The following NFKB1 variants were observed in gnomAD, a reference collection of about 807,000 sequenced individuals.
NFKB1 encodes the protein nuclear factor NF-kappa-B p105 subunit.
A neutral mutation model predicts 105.1 loss-of-function variants in NFKB1; 9 were observed. The ratio of observed to expected loss-of-function variants is 0.09; its 90% CI spans 0.05 to 0.15. NFKB1 has a LOEUF of 0.15. Among genes scored for constraint, NFKB1 ranks in the 10% least tolerant of loss-of-function variants. The pLI, the probability that NFKB1 is intolerant of heterozygous loss-of-function variation, is 1.00. For missense variants in NFKB1, 830 were observed against 1,203.7 expected (o/e 0.69, Z 4.59); for synonymous variants, 440 against 442.2 (o/e 1.00, Z 0.06).
intron 1 of NFKB1, among the ~76,000 whole-genome samples, chr4:102,506,917 A>G (rs941795636): frequency 6.0e-5 from 9 of 151,120 alleles, no homozygotes; most frequent in Non-Finnish European, 1.0e-4. Context: ...ACTGATATAT[A>G]TTAGTTACAT....
intron 19 of NFKB1, among the ~76,000 whole-genome samples, chr4:102,608,938 C>T (rs1415206308): frequency 2.6e-5 from 4 of 151,636 alleles, no homozygotes; most frequent in Non-Finnish European, 5.9e-5. Context: ...GGGTCACTTG[C>T]ACTAGGAGTG....
Position 102,507,548 on chromosome 4 carries a change from C to T in NFKB1, c.-8+5760C>T, listed in dbSNP as rs922503464. The stretch of plus-strand genomic sequence containing the variant: ...AACTCCTGACCTCAAGTGATCCACC[C>T]GCCTCAGCCTCCCAAAGTGCCGGGA... On this transcript the variant is annotated intron_variant, in intron 1 of 23. Coordinates refer to ENST00000226574, the MANE Select transcript of NFKB1 (RefSeq NM_003998.4). 4.6e-5 allele frequency among the ~76,000 whole-genome samples: 7 copies of T among 151,982 alleles called. No individual in the cohort carries two copies. The South Asian group carries it at 1.0e-3, about 23-fold the overall frequency.
At chr4:102,595,056 A>G in intron 13 of NFKB1, 75 bp downstream of exon 13, 1 of 888,094 alleles carries the variant, frequency 1.1e-6, no homozygotes, top group Non-Finnish European at 1.8e-6. Context: ...TAAAATCATT[A>G]CTTATCACAA....
At chr4:102,574,986 C>G (rs17032830) in intron 6 of NFKB1, among the ~76,000 whole-genome samples, 5 of 152,132 alleles carry the variant, frequency 3.3e-5, no homozygotes, top group Admixed American at 1.3e-4. Flanking sequence ...GAGATAACCC[C>G]GTTTTCCTGC....
chr4:102,510,899 A>T, intron 1 of NFKB1: 1 of 1,281,286 alleles, frequency 7.8e-7, no homozygotes. Context: ...AACGTCCTAC[A>T]TCAAGAAAAA....
At position 102,501,707 on chromosome 4, in the gene NFKB1, C is replaced by T. The variant is rs1001557792; in HGVS notation, c.-89C>T. On this transcript the variant is annotated 5_prime_UTR_variant, in exon 1 of 24. Coordinates refer to ENST00000226574, the MANE Select transcript of NFKB1 (RefSeq NM_003998.4). ...GGGCTCCGGCCTGCCGCCGCCTCTT[C>T]CTTCTCCAGCCGGCAGGCCCGCGCC... 5.9e-5 allele frequency: 9 copies of T among 152,314 alleles called. No individual in the cohort carries two copies. The highest frequency in any genetic ancestry group is 9.7e-5 in the African/African-American group (4 of 41,422). The allele number at this position is 152,314 out of a possible 1,614,324, so 9.4% of individuals were successfully genotyped here. A position where few individuals can be genotyped will look rare whatever the true frequency, so the allele number is the denominator to read the frequency against.
intron 5 of NFKB1, among the ~76,000 whole-genome samples, chr4:102,559,558 T>C (rs922456106): frequency 6.6e-6 from 1 of 152,106 alleles, no homozygotes; most frequent in African/African-American, 2.4e-5. Flanking sequence ...AGATAGAGGA[T>C]ATTTTTTTGA....
In NFKB1 at chr4:102,578,894, G is replaced by A. The variant is rs1725087035; in HGVS notation, c.585G>A (p.Glu195=). The A allele has an allele frequency of 1.2e-6, 2 of 1,613,928 alleles. No individual in the cohort carries two copies. The highest frequency in any genetic ancestry group is 1.7e-6 in the Non-Finnish European group (2 of 1,179,968). Residue 195 remains glutamate, a synonymous_variant, in exon 8 of 24, where the codon GAG becomes GAA. Coordinates refer to ENST00000226574, the MANE Select transcript of NFKB1 (RefSeq NM_003998.4). ...GDRQLGDREK[E]LIRQAALQQT... ...GTATGGCCCTAGATCGGGAAAAAGA[G>A]CTAATCCGCCAAGCAGCTCTGCAGC...
chr4:102,614,045 C>T (rs1050750637), intron 23 of NFKB1, among the ~76,000 whole-genome samples: 3 of 152,140 alleles, frequency 2.0e-5, no homozygotes, highest in Admixed American at 1.3e-4. Flanking sequence ...TCCTATATTT[C>T]CTACAATTTT....
At chr4:102,537,786 T>C in intron 4 of NFKB1, 72 bp from the exon 5 acceptor site, 1 of 847,166 alleles carries the variant, frequency 1.2e-6, no homozygotes, top group Non-Finnish European at 1.9e-6. Context: ...TAAAAATTTG[T>C]ATGTACCTTT....
At chr4:102,576,540 A>G (rs559499467) in intron 6 of NFKB1, among the ~76,000 whole-genome samples, 107 of 152,238 alleles carry the variant, frequency 7.0e-4, no homozygotes, top group African/African-American at 2.6e-3. Flanking sequence ...GGTAGTAAAA[A>G]CCAATCTGAC....
At chr4:102,538,993 C>T (rs927338623) in intron 5 of NFKB1, among the ~76,000 whole-genome samples, 7 of 152,028 alleles carry the variant, frequency 4.6e-5, no homozygotes, top group Non-Finnish European at 7.4e-5. Flanking sequence ...AATCCCAGCA[C>T]TTTGGGAGGC....
rs976366515 is a variant in NFKB1, at chr4:102,538,075, A to G, written c.258+119A>G. 9.6e-5 allele frequency: 48 copies of G among 501,462 alleles called. No individual in the cohort carries two copies. In the South Asian group the frequency reaches 1.6e-3, roughly 17 times the overall value. 31.1% of individuals were successfully genotyped at this position (501,462 alleles called of 1,614,324 possible). A position where few individuals can be genotyped will look rare whatever the true frequency, so the allele number is the denominator to read the frequency against. On this transcript the variant is annotated intron_variant, in intron 5 of 23. Transcript: ENST00000226574. The stretch of plus-strand genomic sequence containing the variant: ...TTCGCTCCTAAGCTGAAGTGTTCAC[A>G]TGATTATTAAAATTTTTAAATAGAA...
At chr4:102,606,434 C>T in intron 16 of NFKB1, 62 bp from the exon 17 acceptor site, 1 of 1,496,022 alleles carries the variant, frequency 6.7e-7, no homozygotes, top group East Asian at 2.3e-5. Context: ...AGCTACCAAG[C>T]TGTGAGTTGT....
At chr4:102,535,301 T>C (rs1025465032) in intron 4 of NFKB1, among the ~76,000 whole-genome samples, 1 of 152,172 alleles carries the variant, frequency 6.6e-6, no homozygotes, top group Non-Finnish European at 1.5e-5. Flanking sequence ...TTCATAAGCA[T>C]AGCACTACAA....
At chr4:102,540,036 C>T (rs756051356) in intron 5 of NFKB1, among the ~76,000 whole-genome samples, 2 of 152,030 alleles carry the variant, frequency 1.3e-5, no homozygotes, top group Non-Finnish European at 2.9e-5. Flanking sequence ...AATATTGTGC[C>T]TTTATGTATG....
chr4:102,565,032 C>T (rs1174220579), intron 5 of NFKB1, among the ~76,000 whole-genome samples: 2 of 152,162 alleles, frequency 1.3e-5, no homozygotes, highest in Non-Finnish European at 2.9e-5. Context: ...CAGCAGTCAG[C>T]TTTGGAGAAA....
At chr4:102,557,985 T>C (rs1723116688) in intron 5 of NFKB1, among the ~76,000 whole-genome samples, 1 of 151,784 alleles carries the variant, frequency 6.6e-6, no homozygotes, top group South Asian at 2.1e-4. Flanking sequence ...GTAATAATCA[T>C]ATTCTAATTT....
At chr4:102,502,646 CAG>C (rs1227300921) in intron 1 of NFKB1, among the ~76,000 whole-genome samples, 3 of 152,248 alleles carry the variant, frequency 2.0e-5, no homozygotes, top group African/African-American at 7.2e-5. Flanking sequence ...TCCTTAAAAA[CAG>C]ACACCAGGGA....
Sources: allele counts gnomAD v4.1 joint callset (sites outside exome capture counted in the v4.1 genomes callset), GRCh38; gene constraint gnomAD v4.1.1; transcripts MANE v1.5; gene names NCBI Gene and HGNC (gene_info 2026-07-23, HGNC 2026-07-21).